Variants in EVC2 observed in about 807,000 individuals in gnomAD.
EVC2 encodes the protein EvC ciliary complex subunit 2, also known as limbin.
EVC2 carries 148 observed loss-of-function variants against 149.3 expected under a neutral mutation model. The observed-to-expected ratio is 0.99, with a 90% CI of 0.87 to 1.14. The LOEUF (loss-of-function observed/expected upper bound fraction) is 1.14, where lower values mean the gene tolerates loss of function less well. EVC2 is among the 50% of genes most tolerant of loss of function. EVC2 has a pLI of 0.00. For missense variants in EVC2, 1,854 were observed against 1,627.3 expected (o/e 1.14, Z -2.40); for synonymous variants, 776 against 649.9 (o/e 1.19, Z -2.95).
chr4:5,577,556 T>C (rs540576633), intron 17 of EVC2, among the ~76,000 whole-genome samples: 2 of 152,284 alleles, frequency 1.3e-5, no homozygotes, highest in South Asian at 4.1e-4. Flanking sequence ...CAAAATGGTC[T>C]AATTTTCTGC....
chr4:5,534,114 C>T, the EVC2 span, among the ~76,000 whole-genome samples: 1 of 147,152 alleles, frequency 6.8e-6, no homozygotes, highest in African/African-American at 2.5e-5. Context: ...TAAAAAAGAT[C>T]AGCCTGGCTG....
chr4:5,636,702 G>A lies in EVC2; in HGVS notation c.1470+3812C>T, dbSNP rs1716909732. 6.6e-6 allele frequency among the ~76,000 whole-genome samples: 1 copy of A among 152,264 alleles called. No individual in the cohort carries two copies. Among genetic ancestry groups the A allele is most frequent in the Middle Eastern group, 3.4e-3 (1 of 294 alleles). ...AACCAATGCTTCCTGGGTATCAAGG[G>A]AGGGATGACTGTACTGTACTAAACT... On this transcript the variant is annotated intron_variant, in intron 10 of 21. Transcript: ENST00000344408. This position sits in a 1 kb window ranked among gnomAD's most constrained non-coding sequence, Gnocchi z 4.6.
chr4:5,681,135 A>G, intron 7 of EVC2, 125 bp downstream of exon 7: 2 of 1,066,254 alleles, frequency 1.9e-6, no homozygotes, highest in Non-Finnish European at 2.9e-6. Context: ...ACAGAGTCCC[A>G]GTCTCAACGC....
At chr4:5,594,303 C>T (rs1279470441) in intron 16 of EVC2, among the ~76,000 whole-genome samples, 13 of 152,340 alleles carry the variant, frequency 8.5e-5, no homozygotes, top group Admixed American at 6.5e-4. Flanking sequence ...CCCCGAGCAG[C>T]CTAACTGGGA....
intron 2 of EVC2, among the ~76,000 whole-genome samples, chr4:5,695,242 G>C (rs1050022472): frequency 6.6e-6 from 1 of 151,992 alleles, no homozygotes; most frequent in African/African-American, 2.4e-5. Context: ...CAGCTATTCG[G>C]GAGGGTGAGG....
intron 1 of EVC2, among the ~76,000 whole-genome samples, chr4:5,700,467 T>C (rs539118246): frequency 7.2e-5 from 11 of 152,224 alleles, no homozygotes; most frequent in African/African-American, 2.4e-4. Context: ...AGGGATCACA[T>C]GTCAGGCAAA....
At position 5,622,462 on chromosome 4, in the gene EVC2, CACA is replaced by C; in HGVS notation, c.2501+72_2501+74del. The C allele has an allele frequency of 1.3e-6, 2 of 1,542,122 alleles. No homozygotes were observed. Among genetic ancestry groups the C allele is most frequent in the Non-Finnish European group, 8.8e-7 (1 of 1,132,230 alleles). ...CAGGTGTCTCATGCTTGGCCATCCC[CACA>C]ACCACAGGGCAGGAATCTCCCTGGC... On this transcript the variant is annotated intron_variant, in intron 14 of 21. Transcript: ENST00000344408. The surrounding 1 kb of genome is among the most constrained non-coding windows in gnomAD (Gnocchi z 5.8).
In EVC2 at chr4:5,636,210, C is replaced by T. The variant is rs1355269079; in HGVS notation, c.1471-4178G>A. On this transcript the variant is annotated intron_variant, in intron 10 of 21. Coordinates refer to ENST00000344408, the MANE Select transcript of EVC2 (RefSeq NM_147127.5). The surrounding 1 kb of genome is among the most constrained non-coding windows in gnomAD (Gnocchi z 4.6). ...AGAGGGAGGAAATAAACCCCAGCAA[C>T]CTGCCTTCTGTGCCTATATCCCCCA... 6.6e-6 allele frequency among the ~76,000 whole-genome samples: 1 copy of T among 152,182 alleles called. No homozygotes were observed. Among genetic ancestry groups the T allele is most frequent in the Admixed American group, 6.5e-5 (1 of 15,284 alleles).
chr4:5,529,512 A>G, the EVC2 span, among the ~76,000 whole-genome samples: 2 of 152,232 alleles, frequency 1.3e-5, no homozygotes, highest in East Asian at 3.8e-4. The surrounding 1 kb of genome is among the most constrained non-coding windows in gnomAD (Gnocchi z 4.5). Flanking sequence ...TCACATGCCA[A>G]TAAATATTGT....
chr4:5,563,921 A>T (rs183721029), intron 21 of EVC2, among the ~76,000 whole-genome samples: 3 of 152,222 alleles, frequency 2.0e-5, no homozygotes, highest in Non-Finnish European at 4.4e-5. Context: ...CCCATAAAAA[A>T]GCTGCTGGAA....
rs199907577 is a variant in EVC2, at chr4:5,685,440, T to C, written c.746A>G (p.Gln249Arg). Residue 249 changes from glutamine to arginine, a missense_variant, in exon 6 of 22, where the codon CAG becomes CGG. Coordinates refer to ENST00000344408, the MANE Select transcript of EVC2 (RefSeq NM_147127.5). Reference sequence around the variant, plus strand: ...CTCCCCGTTCCCGAGGTCTCCAGCCTGGAGCGTGGCTGCGTAGCTGACAGC... The same window carrying C: ...CTCCCCGTTCCCGAGGTCTCCAGCCCGGAGCGTGGCTGCGTAGCTGACAGC... ...AFAVSYAATL[Q>R]AGDLGNGESL... 2.5e-6 allele frequency: 4 copies of C among 1,614,194 alleles called. No homozygotes were observed. Among genetic ancestry groups the C allele is most frequent in the Non-Finnish European group, 2.5e-6 (3 of 1,180,038 alleles).
intron 1 of EVC2, among the ~76,000 whole-genome samples, chr4:5,701,010 T>A (rs1387023326): frequency 6.6e-6 from 1 of 152,260 alleles, no homozygotes; most frequent in Non-Finnish European, 1.5e-5. Flanking sequence ...CAGGTCTCAA[T>A]GGACTAAAGT....
intron 14 of EVC2, among the ~76,000 whole-genome samples, chr4:5,621,674 G>A (rs914765507): frequency 5.3e-5 from 8 of 152,116 alleles, no homozygotes; most frequent in African/African-American, 1.9e-4. Context: ...AAAGAACTGT[G>A]GGCACTGGCC....
At position 5,576,327 on chromosome 4, in the gene EVC2, C is replaced by T. The variant is rs1722928661; in HGVS notation, c.3185G>A (p.Gly1062Glu). 6.2e-7 allele frequency: 1 copy of T among 1,614,054 alleles called. No homozygotes were observed. The highest frequency in any genetic ancestry group is 1.1e-5 in the South Asian group (1 of 91,080). The change falls in exon 18 of 22, where the codon GGG becomes GAG. Residue 1062 changes from glycine (G) to glutamate (E), a missense_variant. Transcript: ENST00000344408. This position sits in a 1 kb window ranked among gnomAD's most constrained non-coding sequence, Gnocchi z 4.5. ...ADGPGILNEPGEVDSERQVST... is the reference protein window; with the variant it reads ...ADGPGILNEPEEVDSERQVST... ...GACCTGCCTTTCAGAATCCACCTCCCCAGGTTCGTTCAGAATCCCGGGCCC... is the reference window on the plus strand; with the variant it reads ...GACCTGCCTTTCAGAATCCACCTCCTCAGGTTCGTTCAGAATCCCGGGCCC...
At chr4:5,689,130 C>A (rs200124356) in intron 5 of EVC2, 27 bp downstream of exon 5, 236 of 1,612,850 alleles carry the variant, frequency 1.5e-4, no homozygotes, top group Non-Finnish European at 2.0e-4. Flanking sequence ...ATTTGTCATC[C>A]CTGACTTCAG....
At chr4:5,631,015 T>C (rs1315927810) in intron 11 of EVC2, among the ~76,000 whole-genome samples, 1 of 152,186 alleles carries the variant, frequency 6.6e-6, no homozygotes, top group African/African-American at 2.4e-5. Flanking sequence ...CACTTGTGCA[T>C]GTAAAATCCC....
chr4:5,549,246 G>A (rs983910281), intron 21 of EVC2, among the ~76,000 whole-genome samples: 3 of 152,132 alleles, frequency 2.0e-5, no homozygotes, highest in African/African-American at 7.2e-5. Flanking sequence ...CACTTAACCT[G>A]TACTGGGTAC....
At chr4:5,708,716 A>T, upstream of EVC2, 1 of 456,820 alleles carries the variant, frequency 2.2e-6, no homozygotes, top group Non-Finnish European at 3.8e-6. Flanking sequence ...GGCGCGGCCC[A>T]GGCGCCCGGC....
chr4:5,705,593 A>G (rs532645145), intron 1 of EVC2, among the ~76,000 whole-genome samples: 203 of 152,188 alleles, frequency 1.3e-3, no homozygotes, highest in African/African-American at 4.6e-3. Flanking sequence ...TAAAATAAAA[A>G]AAGTGAGAAG....
Sources: allele counts gnomAD v4.1 joint callset (sites outside exome capture counted in the v4.1 genomes callset), GRCh38; gene constraint gnomAD v4.1.1; non-coding constraint Gnocchi (gnomAD v3.1); transcripts MANE v1.5; gene names NCBI Gene and HGNC (gene_info 2026-07-23, HGNC 2026-07-21).